The following PTPRD variants were observed in gnomAD, a reference collection of about 807,000 sequenced individuals.
The protein encoded by PTPRD is receptor-type tyrosine-protein phosphatase delta.
Under a neutral mutation model 214.5 loss-of-function variants are expected in PTPRD, and 34 were observed. That is an observed-to-expected ratio of 0.16 (90% confidence interval 0.12 to 0.21). The LOEUF is 0.21. Ranked by LOEUF, PTPRD falls within the 10% of genes least tolerant of loss-of-function variation. The probability of loss-of-function intolerance (pLI) is 1.00; values close to 1 mark genes in which losing one functional copy is unlikely to be tolerated. For missense variants in PTPRD, 2,545 were observed against 2,398.7 expected, an observed-to-expected ratio of 1.06 and a Z score of -1.27; for synonymous variants, 1,128 against 845.7, an observed-to-expected ratio of 1.33 and a Z score of -5.79.
chr9:9,714,404 A>C (rs2097783684), intron 7 of PTPRD, among the ~76,000 whole-genome samples: 1 of 152,190 alleles, frequency 6.6e-6, no homozygotes, highest in East Asian at 1.9e-4. Flanking sequence ...CAAATGTGAA[A>C]CCATTTTAAA....
chr9:9,304,581 T>C (rs1246074444), intron 9 of PTPRD, among the ~76,000 whole-genome samples: 2 of 151,992 alleles, frequency 1.3e-5, no homozygotes, highest in Non-Finnish European at 2.9e-5. Context: ...ATTCATTTTA[T>C]GATAATAAAG....
intron 8 of PTPRD, among the ~76,000 whole-genome samples, chr9:9,490,365 A>T (rs2095845329): frequency 6.6e-6 from 1 of 152,112 alleles, no homozygotes; most frequent in South Asian, 2.1e-4. Flanking sequence ...AAAAGCTAGT[A>T]TTATTGTAAT....
intron 4 of PTPRD, among the ~76,000 whole-genome samples, chr9:9,964,244 T>A (rs954568532): frequency 6.6e-6 from 1 of 152,216 alleles, no homozygotes; most frequent in African/African-American, 2.4e-5. Flanking sequence ...GAGGGAATCA[T>A]CTATCAAATA....
chr9:9,470,104 G>C (rs1385337145), intron 8 of PTPRD, among the ~76,000 whole-genome samples: 1 of 152,164 alleles, frequency 6.6e-6, no homozygotes, highest in Non-Finnish European at 1.5e-5. Context: ...AAGTGCCAGT[G>C]GTGGCCAGGC....
chr9:8,983,322 C>G (rs1248380946), intron 11 of PTPRD, among the ~76,000 whole-genome samples: 1 of 151,752 alleles, frequency 6.6e-6, no homozygotes, highest in Non-Finnish European at 1.5e-5. Context: ...ATGACAATGT[C>G]AAATAAGTAG....
chr9:8,504,449 G>A (rs1338456119), intron 22 of PTPRD, 44 bp from the exon 23 acceptor site: 1 of 1,607,498 alleles, frequency 6.2e-7, no homozygotes, highest in Non-Finnish European at 8.5e-7. Flanking sequence ...TAAGGTTCAT[G>A]CAAATACTTT....
chr9:9,390,152 A>G (rs1011070278), intron 9 of PTPRD, among the ~76,000 whole-genome samples: 7 of 152,142 alleles, frequency 4.6e-5, no homozygotes, highest in African/African-American at 1.7e-4. Flanking sequence ...TTGGTTGGGG[A>G]TTCCTGGGAC....
At chr9:8,709,514 C>CAAAAAAAAAAAA (rs758112672) in intron 12 of PTPRD, among the ~76,000 whole-genome samples, 9 of 56,102 alleles carry the variant, frequency 1.6e-4, no homozygotes, top group Non-Finnish European at 2.8e-4. Flanking sequence ...GACTCCATCT[C>CAAAAAAAAAAAA]AAAAAAAAAA....
intron 5 of PTPRD, among the ~76,000 whole-genome samples, chr9:9,938,267 A>G (rs1220821981): frequency 6.6e-6 from 1 of 152,220 alleles, no homozygotes; most frequent in Non-Finnish European, 1.5e-5. Flanking sequence ...GTTCAGAAAG[A>G]AATCCATTCA....
chr9:10,041,012 C>A (rs1039315059), intron 3 of PTPRD, among the ~76,000 whole-genome samples: 4 of 151,876 alleles, frequency 2.6e-5, no homozygotes, highest in Non-Finnish European at 5.9e-5. Flanking sequence ...AAATGTTTTT[C>A]ATTTGCTTAA....
At chr9:9,861,843 T>G (rs2062842172) in intron 5 of PTPRD, among the ~76,000 whole-genome samples, 1 of 152,180 alleles carries the variant, frequency 6.6e-6, no homozygotes, top group Non-Finnish European at 1.5e-5. Flanking sequence ...TGTTTATATG[T>G]AGAGGTATGT....
chr9:9,795,681 G>C (rs910779409), intron 5 of PTPRD, among the ~76,000 whole-genome samples: 1 of 151,978 alleles, frequency 6.6e-6, no homozygotes, highest in Non-Finnish European at 1.5e-5. Flanking sequence ...GTATTTCTTT[G>C]TGGTAGGACA....
intron 14 of PTPRD, among the ~76,000 whole-genome samples, chr9:8,558,373 C>G (rs1416012161): frequency 6.6e-6 from 1 of 152,168 alleles, no homozygotes; most frequent in Non-Finnish European, 1.5e-5. Context: ...CACCAAGAAG[C>G]AGTAACAGAC....
chr9:8,854,584 A>G (rs2097880257), intron 11 of PTPRD, among the ~76,000 whole-genome samples: 1 of 152,212 alleles, frequency 6.6e-6, no homozygotes, highest in African/African-American at 2.4e-5. Context: ...ACGAAAGAAC[A>G]GTTTAAGTAT....
At chr9:9,644,708 C>CT (rs147114280) in intron 7 of PTPRD, among the ~76,000 whole-genome samples, 41,904 of 151,924 alleles carry the variant, frequency 0.28, 6,204 homozygotes, top group Admixed American at 0.4. Flanking sequence ...CAAAATGTTG[C>CT]TTTTTCCAAA....
rs2132229101 is a variant in PTPRD, at chr9:8,338,988, T to C, written c.5313A>G (p.Val1771=). ...ERSARYQYFV[V]DPMAEYNMPQ... Reference sequence around the variant, plus strand: ...GCATGTTGTACTCAGCCATGGGATCTACAACAAAGTACTGGTATCTTGCAG... The same window carrying C: ...GCATGTTGTACTCAGCCATGGGATCCACAACAAAGTACTGGTATCTTGCAG... Residue 1771 remains valine, a synonymous_variant, in exon 43 of 46, where the codon GTA becomes GTG. Transcript: ENST00000381196. 1 of 1,612,586 alleles carries C rather than the reference T, an allele frequency of 6.2e-7. No homozygotes were observed.
chr9:8,855,626 C>G (rs2097902134), intron 11 of PTPRD, among the ~76,000 whole-genome samples: 1 of 152,096 alleles, frequency 6.6e-6, no homozygotes, highest in South Asian at 2.1e-4. Flanking sequence ...GATTTCTATG[C>G]AAAGTACTAT....
intron 43 of PTPRD, among the ~76,000 whole-genome samples, chr9:8,335,684 G>C (rs1320377989): frequency 6.6e-6 from 1 of 152,110 alleles, no homozygotes; most frequent in Non-Finnish European, 1.5e-5. Flanking sequence ...ATTCAATTAG[G>C]AAAAGAGGAA....
chr9:8,799,434 G>C (rs2096526195), intron 11 of PTPRD, among the ~76,000 whole-genome samples: 1 of 152,190 alleles, frequency 6.6e-6, no homozygotes, highest in African/African-American at 2.4e-5. Context: ...GAATTGTCCA[G>C]TTTGGAAGAT....
Sources: allele counts gnomAD v4.1 joint callset (sites outside exome capture counted in the v4.1 genomes callset), GRCh38; gene constraint gnomAD v4.1.1; transcripts MANE v1.5; gene names NCBI Gene and HGNC (gene_info 2026-07-23, HGNC 2026-07-21).